The following SOX5 variants were observed in gnomAD, a reference collection of about 807,000 sequenced individuals.
SOX5 encodes the protein SRY-box transcription factor 5.
Under a neutral mutation model 92.0 loss-of-function variants are expected in SOX5, and 9 were observed. The ratio of observed to expected loss-of-function variants is 0.10; its 90% confidence interval spans 0.06 to 0.17. The LOEUF is 0.17. Among genes scored for constraint, SOX5 ranks in the 10% least tolerant of loss-of-function variants. SOX5 has a pLI of 1.00. For missense variants in SOX5, 642 were observed against 944.5 expected, an observed-to-expected ratio of 0.68 and a Z score of 4.20; for synonymous variants, 344 against 336.3, an observed-to-expected ratio of 1.02 and a Z score of -0.25.
At chr12:24,559,441 T>A (rs947969144) in intron 1 of SOX5, among the ~76,000 whole-genome samples, 4 of 152,170 alleles carry the variant, frequency 2.6e-5, no homozygotes, top group Non-Finnish European at 5.9e-5. Flanking sequence ...TTAGGAAACA[T>A]AAATTTTGTC....
intron 2 of SOX5, among the ~76,000 whole-genome samples, chr12:24,355,280 A>AT (rs1565973053): frequency 4.8e-5 from 4 of 84,022 alleles, no homozygotes; most frequent in African/African-American, 1.7e-4. Context: ...TGAGGGGTGC[A>AT]TCTTTTTTTT....
intron 2 of SOX5, among the ~76,000 whole-genome samples, chr12:24,349,783 C>T (rs948240679): frequency 6.6e-6 from 1 of 152,138 alleles, no homozygotes; most frequent in Non-Finnish European, 1.5e-5. Context: ...TTCAATTCTT[C>T]TGGAGATATA....
chr12:24,116,409 G>A (rs1948002699), intron 4 of SOX5, among the ~76,000 whole-genome samples: 1 of 151,140 alleles, frequency 6.6e-6, no homozygotes, highest in Admixed American at 6.6e-5. Context: ...AAGTAGAGAT[G>A]AGAAAAAATA....
chr12:23,699,904 T>C (rs2090387743), intron 6 of SOX5, among the ~76,000 whole-genome samples: 1 of 152,144 alleles, frequency 6.6e-6, no homozygotes, highest in Non-Finnish European at 1.5e-5. Context: ...TGCCCTACTT[T>C]ACAGGGTCCC....
intron 4 of SOX5, among the ~76,000 whole-genome samples, chr12:23,984,960 C>A (rs1949922821): frequency 6.6e-6 from 1 of 152,120 alleles, no homozygotes; most frequent in African/African-American, 2.4e-5. Context: ...CAGACTTTGG[C>A]AATGACCTTG....
intron 1 of SOX5, among the ~76,000 whole-genome samples, chr12:24,419,953 GA>G (rs1425275476): frequency 6.6e-6 from 1 of 152,224 alleles, no homozygotes; most frequent in Non-Finnish European, 1.5e-5. Context: ...AACTGTGAAA[GA>G]AGACTCTGCT....
intron 4 of SOX5, among the ~76,000 whole-genome samples, chr12:24,193,506 A>G (rs1342795042): frequency 1.3e-5 from 2 of 152,226 alleles, no homozygotes; most frequent in Non-Finnish European, 2.9e-5. Flanking sequence ...TAAATATCTC[A>G]AGTATCACTA....
chr12:24,306,536 T>A (rs1343906764), intron 2 of SOX5, among the ~76,000 whole-genome samples: 1 of 152,196 alleles, frequency 6.6e-6, no homozygotes, highest in Non-Finnish European at 1.5e-5. Flanking sequence ...AGGCTTTGCT[T>A]GCAGGGAAGA....
At chr12:23,903,519 G>C (rs912239712) in intron 1 of SOX5, among the ~76,000 whole-genome samples, 8 of 152,188 alleles carry the variant, frequency 5.3e-5, no homozygotes, top group Non-Finnish European at 1.2e-4. Flanking sequence ...GGAGAGCAAG[G>C]CTGCAGTGAG....
intron 3 of SOX5, among the ~76,000 whole-genome samples, chr12:23,831,576 AC>A (rs1326343567): frequency 6.6e-6 from 1 of 151,922 alleles, no homozygotes; most frequent in African/African-American, 2.4e-5. Flanking sequence ...ACCTTTTGAA[AC>A]TCATTGCATT....
chr12:24,090,236 T>C (rs559371117), intron 4 of SOX5, among the ~76,000 whole-genome samples: 1 of 152,264 alleles, frequency 6.6e-6, no homozygotes, highest in South Asian at 2.1e-4. Flanking sequence ...AAATCTATAG[T>C]TTACAAGTGC....
chr12:24,111,615 C>A (rs566998782), intron 4 of SOX5, among the ~76,000 whole-genome samples: 1 of 152,260 alleles, frequency 6.6e-6, no homozygotes, highest in African/African-American at 2.4e-5. Context: ...AGGCTGACTT[C>A]AATCTCTACT....
intron 4 of SOX5, among the ~76,000 whole-genome samples, chr12:24,203,146 C>A (rs1490602637): frequency 1.3e-5 from 2 of 152,142 alleles, no homozygotes; most frequent in African/African-American, 4.8e-5. Context: ...TACTTTCTTA[C>A]AACCTTATGG....
At chr12:23,565,162 C>G (rs1946858760) in intron 10 of SOX5, among the ~76,000 whole-genome samples, 1 of 152,222 alleles carries the variant, frequency 6.6e-6, no homozygotes, top group Non-Finnish European at 1.5e-5. Flanking sequence ...GAAAACAACT[C>G]TAAACCTAGA....
intron 1 of SOX5, among the ~76,000 whole-genome samples, chr12:24,434,960 C>T (rs1170008043): frequency 6.6e-6 from 1 of 152,218 alleles, no homozygotes; most frequent in East Asian, 1.9e-4. Flanking sequence ...TATAGTTTTG[C>T]TTGCATCCTT....
chr12:24,435,160 A>G (rs529557554), intron 1 of SOX5, among the ~76,000 whole-genome samples: 5 of 152,332 alleles, frequency 3.3e-5, no homozygotes. Flanking sequence ...GAAAAAAAGT[A>G]TACAGAGTTT....
chr12:24,006,931 C>T (rs910165985), intron 4 of SOX5, among the ~76,000 whole-genome samples: 1 of 151,266 alleles, frequency 6.6e-6, no homozygotes, highest in Admixed American at 6.6e-5. Flanking sequence ...GTCAGGAATT[C>T]GAGACCAGCC....
At chr12:23,556,893 G>A (rs767157661) in intron 11 of SOX5, among the ~76,000 whole-genome samples, 7 of 152,188 alleles carry the variant, frequency 4.6e-5, no homozygotes, top group Non-Finnish European at 7.3e-5. Flanking sequence ...AGTTAACACT[G>A]CTGGCCCCAT....
chr12:24,465,727 A>C (rs555989996), intron 1 of SOX5, among the ~76,000 whole-genome samples: 27 of 152,344 alleles, frequency 1.8e-4, no homozygotes, highest in African/African-American at 2.9e-4. Context: ...TCAGGGGCCA[A>C]ATGAATTTAG....
Sources: gnomAD v4.1 joint callset for allele counts (sites outside exome capture counted in the v4.1 genomes callset) on GRCh38, gnomAD v4.1.1 for gene constraint, MANE v1.5 for transcripts, NCBI Gene and HGNC (gene_info 2026-07-23, HGNC 2026-07-21) for gene names.